The following SGO2 variants were observed in gnomAD, a reference collection of about 807,000 sequenced individuals.
SGO2 encodes the protein shugoshin 2, also known as shugoshin-like 2.
In SGO2, 68 loss-of-function variants were observed where a neutral mutation model predicts 99.5. The observed-to-expected ratio is 0.68, with a 90% CI of 0.56 to 0.84. The LOEUF (loss-of-function observed/expected upper bound fraction) is 0.84. SGO2 is among the 40% of genes least tolerant of loss of function. The probability of loss-of-function intolerance (pLI) is 0.00; values close to 1 mark genes in which losing one functional copy is unlikely to be tolerated. For synonymous variants in SGO2, 457 were observed against 487.1 expected (o/e 0.94, Z 0.81); for missense variants, 1,350 against 1,436.7 (o/e 0.94, Z 0.97).
At chr2:200,558,741 T>TA (rs1330932488) in intron 5 of SGO2, among the ~76,000 whole-genome samples, 12 of 151,496 alleles carry the variant, frequency 7.9e-5, no homozygotes, top group African/African-American at 2.4e-4. Flanking sequence ...TTTTTTTTTT[T>TA]AATGTTTAGA....
intron 3 of SGO2, 64 bp from the exon 4 acceptor site, chr2:200,536,001 C>T: frequency 9.7e-7 from 1 of 1,029,074 alleles, no homozygotes; most frequent in South Asian, 1.9e-5. Context: ...TTCATAAATG[C>T]CTGATATTAT....
chr2:200,535,822 A>T (rs2031663420), intron 3 of SGO2, among the ~76,000 whole-genome samples: 1 of 152,038 alleles, frequency 6.6e-6, no homozygotes, highest in Non-Finnish European at 1.5e-5. Context: ...AAAGTATTCA[A>T]CATATGTGTG....
chr2:200,542,549 CTTTGT>C (rs770044741), intron 4 of SGO2, 25 bp from the exon 5 acceptor site: 2 of 1,554,168 alleles, frequency 1.3e-6, no homozygotes, highest in Non-Finnish European at 1.8e-6. Context: ...AGGTTAGAAA[CTTTGT>C]TTTCTTTATT....
In SGO2 at chr2:200,571,609, A is replaced by G. The variant is rs1268194792; in HGVS notation, c.1263A>G (p.Ser421=). Reference sequence around the variant, plus strand: ...CAAAGAGACAGTTTAAAAATAGTTCAGATGTCGATATTGGGGAAAAGATTG... The same window carrying G: ...CAAAGAGACAGTTTAAAAATAGTTCGGATGTCGATATTGGGGAAAAGATTG... ...ERSKRQFKNS[S]DVDIGEKIEN... is the part of the protein sequence containing the mutation. Residue 421 remains serine, a synonymous_variant, in exon 7 of 9, where the codon TCA becomes TCG. Transcript: ENST00000357799. The G allele has an allele frequency of 1.9e-6, 3 of 1,612,614 alleles. No homozygotes were observed. The Admixed American group carries it at 5.0e-5, about 27-fold the overall frequency.
chr2:200,556,640 T>C (rs1257022726), intron 5 of SGO2, among the ~76,000 whole-genome samples: 2 of 152,194 alleles, frequency 1.3e-5, no homozygotes, highest in African/African-American at 4.8e-5. Flanking sequence ...AAGCTGGGTA[T>C]TGAACCCAAG....
In SGO2 at chr2:200,571,782, T is replaced by G; in HGVS notation, c.1436T>G (p.Phe479Cys). ...AAGAAAATGACCCTTCAAACTGGCT[T>G]TGAACAAGGTGACAGAGAAAATGTA... The part of the protein sequence containing the change: ...ELKKMTLQTG[F>C]EQGDRENVLC... Residue 479 changes from phenylalanine (F) to cysteine (C), a missense_variant, in exon 7 of 9, where the codon TTT becomes TGT. Physicochemically the swap from Phe to Cys is radical, Grantham distance 205. Coordinates refer to ENST00000357799, the MANE Select transcript of SGO2 (RefSeq NM_152524.6). The G allele has an allele frequency of 1.2e-6, 2 of 1,613,570 alleles. No individual in the cohort carries two copies. Among genetic ancestry groups the G allele is most frequent in the East Asian group, 4.5e-5 (2 of 44,870 alleles).
rs2033370631 is a variant in SGO2 at position 200,570,581 on chromosome 2, G to A, written c.704-469G>A. 6.7e-6 allele frequency among the ~76,000 whole-genome samples: 1 copy of A among 148,322 alleles called. No individual in the cohort carries two copies. The highest frequency in any genetic ancestry group is 2.5e-5 in the African/African-American group (1 of 40,206). ...CACATATATATGGTATACATATAAT[G>A]TATACAGTATACATATATACATGTG... On this transcript the variant is annotated intron_variant, in intron 6 of 8. Coordinates refer to ENST00000357799, the MANE Select transcript of SGO2 (RefSeq NM_152524.6). The surrounding 1 kb of genome is among the most constrained non-coding windows in gnomAD (Gnocchi z 4.4).
Position 200,572,305 on chromosome 2 carries a change from T to C in SGO2, c.1959T>C (p.Asp653=). The part of the protein sequence containing the change: ...KGNFFFKTQE[D]KEPISENIEV... ...ATTTTTTTTTCAAAACCCAAGAGGA[T>C]AAAGAACCTATCTCTGAAAACATAG... Residue 653 remains aspartate, a synonymous_variant, in exon 7 of 9, where the codon GAT becomes GAC. Transcript: ENST00000357799. 6.2e-7 allele frequency: 1 copy of C among 1,609,280 alleles called. No individual in the cohort carries two copies. Among genetic ancestry groups the C allele is most frequent in the Non-Finnish European group, 8.5e-7 (1 of 1,178,668 alleles).
rs189567950 is a variant in SGO2, at chr2:200,575,334, T to C, written c.3655T>C (p.Ser1219Pro). The change falls in exon 8 of 9, where the codon TCA becomes CCA. Residue 1219 changes from serine to proline, a missense_variant. Transcript: ENST00000357799. ...AGGTGATAGACCATTACAGGACTTG[T>C]CAAATACCAGTTTTGTTTCAAATAA... ...GIGDRPLQDL[S>P]NTSFVSNNTA... 3.1e-5 allele frequency: 49 copies of C among 1,602,336 alleles called. No homozygotes were observed. Among genetic ancestry groups the C allele is most frequent in the Non-Finnish European group, 3.8e-5 (44 of 1,173,028 alleles).
intron 1 of SGO2, among the ~76,000 whole-genome samples, chr2:200,528,163 G>C (rs1171297529): frequency 6.6e-6 from 1 of 152,206 alleles, no homozygotes; most frequent in African/African-American, 2.4e-5. Context: ...TACTTTCTAG[G>C]CCATTTTAAA....
At chr2:200,576,849 T>C (rs2033683383) in intron 8 of SGO2, among the ~76,000 whole-genome samples, 1 of 152,216 alleles carries the variant, frequency 6.6e-6, no homozygotes, top group African/African-American at 2.4e-5. Context: ...AAAGTTTCTT[T>C]CATATCATAG....
intron 8 of SGO2, among the ~76,000 whole-genome samples, chr2:200,581,380 G>T (rs2033839890): frequency 6.6e-6 from 1 of 151,996 alleles, no homozygotes; most frequent in Admixed American, 6.6e-5. Flanking sequence ...CAGAAGGGTG[G>T]TTGCTCTGCT....
At chr2:200,555,960 G>T (rs1268752197) in intron 5 of SGO2, among the ~76,000 whole-genome samples, 1 of 152,090 alleles carries the variant, frequency 6.6e-6, no homozygotes, top group Middle Eastern at 3.4e-3. Context: ...TTGAATATCC[G>T]CTTTTTTTGT....
chr2:200,563,515 T>A (rs555683503), intron 5 of SGO2, among the ~76,000 whole-genome samples: 65 of 152,300 alleles, frequency 4.3e-4, no homozygotes, highest in African/African-American at 1.5e-3. Flanking sequence ...TGGTCTAAAA[T>A]TTTCTTTTTT....
chr2:200,533,750 G>A (rs1040086475), intron 2 of SGO2, among the ~76,000 whole-genome samples: 4 of 152,072 alleles, frequency 2.6e-5, no homozygotes, highest in Admixed American at 1.3e-4. Context: ...TATCCTTTTA[G>A]TCACATTATC....
chr2:200,570,927 CT>C lies in SGO2; in HGVS notation c.704-122del, dbSNP rs2033387145. On this transcript the variant is annotated intron_variant, in intron 6 of 8. Transcript: ENST00000357799. The surrounding 1 kb of genome is among the most constrained non-coding windows in gnomAD (Gnocchi z 4.4). The stretch of plus-strand genomic sequence containing the variant: ...CATAGATTCTTAGTAATATTAGGAT[CT>C]GATCAGAACACATTGTCAGAAATTA... 1.1e-5 allele frequency: 9 copies of C among 784,146 alleles called. No individual in the cohort carries two copies. The highest frequency in any genetic ancestry group is 1.7e-5 in the Non-Finnish European group (9 of 522,812). 48.6% of individuals were successfully genotyped at this position (784,146 alleles called of 1,614,324 possible). A position where few individuals can be genotyped will look rare whatever the true frequency, so the allele number is the denominator to read the frequency against.
intron 1 of SGO2, among the ~76,000 whole-genome samples, chr2:200,528,030 GC>G (rs1253843325): frequency 1.3e-5 from 2 of 152,212 alleles, no homozygotes; most frequent in African/African-American, 4.8e-5. Context: ...AAAAGTTTCT[GC>G]TTTAGAGCAT....
chr2:200,550,693 G>A (rs546279957), intron 5 of SGO2, among the ~76,000 whole-genome samples: 31 of 152,196 alleles, frequency 2.0e-4, no homozygotes, highest in African/African-American at 7.5e-4. Context: ...AATCAAAATG[G>A]ATAAAAGATT....
chr2:200,533,041 C>T lies in SGO2; in HGVS notation c.66C>T (p.Asp22=). The change falls in exon 2 of 9, where the codon GAC becomes GAT. Residue 22 remains aspartate (D), a synonymous_variant. Transcript: ENST00000357799. The part of the protein sequence containing the change: ...FTSGIKRHLK[D]KRISKTTKLN... ...CAGGAATTAAGAGACATTTGAAAGA[C>T]AAAAGAATTTCAAAGACTACTAAGT... The T allele has an allele frequency of 6.2e-7, 1 of 1,606,316 alleles. No homozygotes were observed. Among genetic ancestry groups the T allele is most frequent in the Non-Finnish European group, 8.5e-7 (1 of 1,177,862 alleles).
Sources: allele counts gnomAD v4.1 joint callset (sites outside exome capture counted in the v4.1 genomes callset), GRCh38; gene constraint gnomAD v4.1.1; non-coding constraint Gnocchi (gnomAD v3.1); transcripts MANE v1.5; gene names NCBI Gene and HGNC (gene_info 2026-07-23, HGNC 2026-07-21).